GAS7: variants seen among roughly 807,000 people sequenced by gnomAD.
GAS7 encodes growth arrest-specific protein 7.
A neutral mutation model predicts 71.1 loss-of-function variants in GAS7; 28 were observed. The ratio of observed to expected loss-of-function variants is 0.39; its 90% CI spans 0.29 to 0.54. The LOEUF is 0.54. Among genes scored for constraint, GAS7 ranks in the 20% least tolerant of loss-of-function variants. The pLI, the probability that GAS7 is intolerant of heterozygous loss-of-function variation, is 0.62. For missense variants in GAS7, 436 were observed against 627.8 expected (o/e 0.69, Z 3.27); for synonymous variants, 258 against 245.8 (o/e 1.05, Z -0.46).
At chr17:9,984,836 G>A (rs1197900237) in intron 2 of GAS7, among the ~76,000 whole-genome samples, 4 of 152,260 alleles carry the variant, frequency 2.6e-5, no homozygotes, top group Middle Eastern at 3.4e-3. Flanking sequence ...GTGGAGCTTC[G>A]ATGAGCAAAA....
chr17:9,999,989 G>A (rs2071204101), intron 2 of GAS7, among the ~76,000 whole-genome samples: 1 of 152,196 alleles, frequency 6.6e-6, no homozygotes, highest in Non-Finnish European at 1.5e-5. Context: ...CCTTAAAGGA[G>A]CGCTTCTCAA....
chr17:10,100,640 C>CA (rs2073688987), intron 1 of GAS7, among the ~76,000 whole-genome samples: 1 of 152,080 alleles, frequency 6.6e-6, no homozygotes, highest in African/African-American at 2.4e-5. Flanking sequence ...GGGGCTGATC[C>CA]ACCTCCCAAC....
intron 1 of GAS7, among the ~76,000 whole-genome samples, chr17:10,023,058 G>A (rs1228443010): frequency 6.6e-6 from 1 of 152,170 alleles, no homozygotes; most frequent in African/African-American, 2.4e-5. Flanking sequence ...CTCCCGCAAC[G>A]AGGAAATTCA....
chr17:10,193,586 G>A (rs570340072), intron 1 of GAS7, among the ~76,000 whole-genome samples: 2 of 152,206 alleles, frequency 1.3e-5, no homozygotes, highest in South Asian at 2.1e-4. Context: ...CCTTAAGAGG[G>A]CCTGGCAATG....
At chr17:10,053,265 G>T (rs946382973) in intron 1 of GAS7, among the ~76,000 whole-genome samples, 3 of 152,288 alleles carry the variant, frequency 2.0e-5, no homozygotes, top group East Asian at 3.9e-4. Context: ...CGAGCCTGGG[G>T]CCCTCCAAGT....
At chr17:10,069,571 T>C (rs1322436018) in intron 1 of GAS7, among the ~76,000 whole-genome samples, 1 of 152,218 alleles carries the variant, frequency 6.6e-6, no homozygotes, top group East Asian at 1.9e-4. Flanking sequence ...CAACTATGCC[T>C]TAGAGACGCA....
chr17:10,123,891 GGACA>G (rs1240601360), intron 1 of GAS7, among the ~76,000 whole-genome samples: 1 of 152,150 alleles, frequency 6.6e-6, no homozygotes, highest in African/African-American at 2.4e-5. Context: ...GGGGGGCCCC[GGACA>G]GACACACACT....
At position 10,034,317 on chromosome 17, in the gene GAS7, T is replaced by A; in HGVS notation, c.184-14420A>T. ...ATATAGCCTAATACTTAATAATTCT[T>A]TTTTTTTTTTTTAGACAGTCTTGCT... On this transcript the variant is annotated intron_variant, in intron 1 of 13. Coordinates refer to ENST00000432992, the MANE Select transcript of GAS7 (RefSeq NM_201433.2). The surrounding 1 kb of genome is among the most constrained non-coding windows in gnomAD (Gnocchi z 4.4). The A allele has an allele frequency of 5.4e-6, 3 of 550,792 alleles. No homozygotes were observed. The highest frequency in any genetic ancestry group is 6.9e-6 in the Non-Finnish European group (3 of 436,088). The allele number at this position is 550,792 out of a possible 1,614,324, so 34.1% of individuals were successfully genotyped here. A position where few individuals can be genotyped will look rare whatever the true frequency, so the allele number is the denominator to read the frequency against.
chr17:10,192,865 T>C (rs1429483917), intron 1 of GAS7, among the ~76,000 whole-genome samples: 2 of 152,158 alleles, frequency 1.3e-5, no homozygotes, highest in Non-Finnish European at 2.9e-5. Context: ...TTAGTGAAGA[T>C]GTCAGAAAGC....
intron 2 of GAS7, among the ~76,000 whole-genome samples, chr17:9,982,588 C>T (rs1597607399): frequency 1.3e-5 from 2 of 151,936 alleles, no homozygotes; most frequent in Admixed American, 6.6e-5. Context: ...ACCGGCCTGG[C>T]CAACATGGTG....
intron 1 of GAS7, among the ~76,000 whole-genome samples, chr17:10,048,844 C>A (rs2073020310): frequency 6.6e-6 from 1 of 152,204 alleles, no homozygotes; most frequent in Non-Finnish European, 1.5e-5. Flanking sequence ...ATATGTAAGT[C>A]ATTTCTTGCT....
chr17:10,149,339 T>C (rs1185043894), intron 1 of GAS7, among the ~76,000 whole-genome samples: 1 of 152,122 alleles, frequency 6.6e-6, no homozygotes, highest in South Asian at 2.1e-4. Flanking sequence ...CTGACCTCAG[T>C]TGATCCACCC....
intron 1 of GAS7, among the ~76,000 whole-genome samples, chr17:10,058,501 G>A (rs934699263): frequency 4.0e-5 from 6 of 151,732 alleles, no homozygotes; most frequent in African/African-American, 7.3e-5. Context: ...GGAGAAGCCC[G>A]AATGACATAT....
chr17:10,094,316 T>TCAGCTGC (rs1275703515), intron 1 of GAS7, among the ~76,000 whole-genome samples: 1 of 152,128 alleles, frequency 6.6e-6, no homozygotes, highest in Non-Finnish European at 1.5e-5. Context: ...GGATATGAGC[T>TCAGCTGC]CAGCTGCCAG....
Position 9,931,331 on chromosome 17 carries a change from GGA to G in GAS7, c.885+2833_885+2834del, listed in dbSNP as rs2068201807. On this transcript the variant is annotated intron_variant, in intron 9 of 13. Transcript: ENST00000432992. Reference sequence around the variant, plus strand: ...CCACTTATGTCACCACTACCACGTCGGAGAGAGTTTTGCCACCTGTTGAGCAC... The same window carrying G: ...CCACTTATGTCACCACTACCACGTCGGAGAGTTTTGCCACCTGTTGAGCAC... Among the ~76,000 whole-genome samples, 6 of 152,266 alleles carry G rather than the reference GGA, an allele frequency of 3.9e-5. No individual in the cohort carries two copies. In the South Asian group the frequency reaches 1.2e-3, roughly 32 times the overall value.
chr17:10,040,765 C>T (rs75776629), intron 1 of GAS7, among the ~76,000 whole-genome samples: 21,664 of 152,056 alleles, frequency 0.14, 1,610 homozygotes, highest in Middle Eastern at 0.2. Flanking sequence ...GAGGAGAGGC[C>T]GGGTGACGAA....
At chr17:10,048,269 C>T (rs1323541153) in intron 1 of GAS7, among the ~76,000 whole-genome samples, 2 of 152,188 alleles carry the variant, frequency 1.3e-5, no homozygotes, top group Non-Finnish European at 2.9e-5. Flanking sequence ...GCCATTGCAA[C>T]CTCGCGCCAT....
At chr17:9,962,714 C>G (rs1414548691) in intron 4 of GAS7, among the ~76,000 whole-genome samples, 1 of 152,178 alleles carries the variant, frequency 6.6e-6, no homozygotes. Flanking sequence ...GGAAAGACTG[C>G]CAGGGCACAG....
At chr17:10,143,059 G>A (rs2074095411) in intron 1 of GAS7, among the ~76,000 whole-genome samples, 2 of 150,474 alleles carry the variant, frequency 1.3e-5, no homozygotes, top group South Asian at 4.2e-4. Context: ...GTGGGTGCCT[G>A]TAATCCCAGC....
Sources: gnomAD v4.1 joint callset for allele counts (sites outside exome capture counted in the v4.1 genomes callset) on GRCh38, gnomAD v4.1.1 for gene constraint, Gnocchi (gnomAD v3.1) non-coding constraint, MANE v1.5 for transcripts, NCBI Gene and HGNC (gene_info 2026-07-23, HGNC 2026-07-21) for gene names.